Variants in SINHCAF observed in about 807,000 individuals in gnomAD.
The protein encoded by SINHCAF is SIN3-HDAC complex-associated factor.
A neutral mutation model predicts 25.8 loss-of-function variants in SINHCAF; 3 were observed. That is an observed-to-expected ratio of 0.12 (90% CI 0.05 to 0.30). SINHCAF has a LOEUF of 0.30. Among genes scored for constraint, SINHCAF ranks in the 10% least tolerant of loss-of-function variants. The pLI is 1.00. For synonymous variants in SINHCAF, 70 were observed against 85.5 expected (o/e 0.82, Z 1.00); for missense variants, 121 against 262.3 (o/e 0.46, Z 3.72).
At chr12:31,302,140 A>C (rs1390539084) in intron 1 of SINHCAF, among the ~76,000 whole-genome samples, 3 of 152,168 alleles carry the variant, frequency 2.0e-5, no homozygotes, top group African/African-American at 4.8e-5. Context: ...ACCCCATACA[A>C]TCTCATCCTT....
At chr12:31,322,989 G>A (rs1417421287) in intron 1 of SINHCAF, among the ~76,000 whole-genome samples, 3 of 152,122 alleles carry the variant, frequency 2.0e-5, no homozygotes, top group African/African-American at 7.2e-5. Context: ...TAACCAGAAG[G>A]TCAACCACAG....
chr12:31,294,213 T>C (rs570843165), intron 3 of SINHCAF, among the ~76,000 whole-genome samples: 1 of 152,258 alleles, frequency 6.6e-6, no homozygotes, highest in Non-Finnish European at 1.5e-5. Context: ...ATGACCCAGC[T>C]AGGTTAAGAA....
At chr12:31,284,264 T>C (rs144911932) in intron 5 of SINHCAF, among the ~76,000 whole-genome samples, 33 of 152,350 alleles carry the variant, frequency 2.2e-4, no homozygotes, top group African/African-American at 7.9e-4. Flanking sequence ...TGGTATCTCA[T>C]TGAAATTTTA....
intron 2 of SINHCAF, among the ~76,000 whole-genome samples, chr12:31,296,233 A>G (rs1186030532): frequency 6.6e-6 from 1 of 152,012 alleles, no homozygotes; most frequent in Non-Finnish European, 1.5e-5. Flanking sequence ...TGGTGGGATT[A>G]TGGCTCACTG....
Position 31,324,782 on chromosome 12 carries a change from C to T in SINHCAF, c.-21+1242G>A, listed in dbSNP as rs1186232644. ...CCCCGCGCCCCGAAGAGTCCGGAGC[C>T]TGGCCCCCCGACCCTCCCCTCGGGA... is the stretch of plus-strand genomic sequence containing the variant. On this transcript the variant is annotated intron_variant, in intron 1 of 5. Coordinates refer to ENST00000337682, the MANE Select transcript of SINHCAF (RefSeq NM_001135812.2). The surrounding 1 kb of genome is among the most constrained non-coding windows in gnomAD (Gnocchi z 5.5). The T allele has an allele frequency of 5.6e-6, 2 of 360,122 alleles. No individual in the cohort carries two copies. The highest frequency in any genetic ancestry group is 1.1e-5 in the Non-Finnish European group (2 of 180,162). The allele number at this position is 360,122 out of a possible 1,614,324, so 22.3% of individuals were successfully genotyped here.
chr12:31,324,700 G>A lies in SINHCAF; in HGVS notation c.-21+1324C>T. ...GCTGCCTACGTGCAGCATCAGGGAT[G>A]TCGGAGCGTTTCGCAGGGGCCGGAC... On this transcript the variant is annotated intron_variant, in intron 1 of 5. Transcript: ENST00000337682. The surrounding 1 kb of genome is among the most constrained non-coding windows in gnomAD (Gnocchi z 5.5). 5.9e-6 allele frequency: 2 copies of A among 338,624 alleles called. No homozygotes were observed. Among genetic ancestry groups the A allele is most frequent in the Non-Finnish European group, 1.2e-5 (2 of 170,510 alleles). The allele number at this position is 338,624 out of a possible 1,614,324, so 21.0% of individuals were successfully genotyped here.
chr12:31,323,873 G>A (rs1939820983), intron 1 of SINHCAF: 2 of 441,534 alleles, frequency 4.5e-6, no homozygotes, highest in African/African-American at 2.0e-5. Context: ...GGAGGTGCTC[G>A]CCGCCCTCAC....
chr12:31,285,612 A>G (rs1272307624), intron 5 of SINHCAF, among the ~76,000 whole-genome samples: 1 of 152,064 alleles, frequency 6.6e-6, no homozygotes, highest in Non-Finnish European at 1.5e-5. Flanking sequence ...TCTACTTACT[A>G]TGTAACCTTA....
intron 1 of SINHCAF, among the ~76,000 whole-genome samples, chr12:31,312,595 G>A (rs1939315475): frequency 6.6e-6 from 1 of 152,160 alleles, no homozygotes; most frequent in South Asian, 2.1e-4. Context: ...GCATTTCCCT[G>A]ATTCCAAATG....
rs183161378 is a variant in SINHCAF at position 31,280,869 on chromosome 12, T to C, written c.*1843A>G. ...CAGCCAAAATGTACAAAAAAAATCA[T>C]TTCAAATAACTCAGGAGGATGATAA... On this transcript the variant is annotated 3_prime_UTR_variant, in exon 6 of 6. Transcript: ENST00000337682. The C allele has an allele frequency of 6.6e-6, 1 of 152,394 alleles. No homozygotes were observed. Among genetic ancestry groups the C allele is most frequent in the Admixed American group, 6.5e-5 (1 of 15,290 alleles). The allele number at this position is 152,394 out of a possible 1,614,324, so 9.4% of individuals were successfully genotyped here.
chr12:31,281,636 T>G lies in SINHCAF; in HGVS notation c.*1076A>C, dbSNP rs924570353. The G allele has an allele frequency of 1.3e-5, 2 of 152,214 alleles. No individual in the cohort carries two copies. The highest frequency in any genetic ancestry group is 4.8e-5 in the African/African-American group (2 of 41,458). 9.4% of individuals were successfully genotyped at this position (152,214 alleles called of 1,614,324 possible). A position where few individuals can be genotyped will look rare whatever the true frequency, so the allele number is the denominator to read the frequency against. ...CTTTGTTTTGTGCCATCCTGAAGAC[T>G]TGCACATTTTATTTTTCAGATAGCT... On this transcript the variant is annotated 3_prime_UTR_variant, in exon 6 of 6. Coordinates refer to ENST00000337682, the MANE Select transcript of SINHCAF (RefSeq NM_001135812.2).
rs753619818 is a variant in SINHCAF at position 31,287,678 on chromosome 12, G to A, written c.462C>T (p.Asn154=). ...GSDTEMASGS[N]RTPVFSFLDL... is the part of the protein sequence containing the mutation. ...CTAAAAAGGAAAAAACTGGTGTTCT[G>A]TTAGAACCAGAAGCCATCTCTGTAT... The change falls in exon 5 of 6, where the codon AAC becomes AAT. Residue 154 remains asparagine, a synonymous_variant. Transcript: ENST00000337682. 1 of 1,606,084 alleles carries A rather than the reference G, an allele frequency of 6.2e-7. No homozygotes were observed. The highest frequency in any genetic ancestry group is 2.2e-5 in the East Asian group (1 of 44,826).
chr12:31,324,514 CAA>C lies in SINHCAF; in HGVS notation c.-21+1508_-21+1509del, dbSNP rs1939867489. 6.0e-6 allele frequency: 1 copy of C among 165,384 alleles called. No homozygotes were observed. The highest frequency in any genetic ancestry group is 1.3e-5 in the Non-Finnish European group (1 of 76,896). The allele number at this position is 165,384 out of a possible 1,614,324, so 10.2% of individuals were successfully genotyped here. A position where few individuals can be genotyped will look rare whatever the true frequency, so the allele number is the denominator to read the frequency against. On this transcript the variant is annotated intron_variant, in intron 1 of 5. Coordinates refer to ENST00000337682, the MANE Select transcript of SINHCAF (RefSeq NM_001135812.2). This position sits in a 1 kb window ranked among gnomAD's most constrained non-coding sequence, Gnocchi z 5.5. ...TGGCACCTCGCACAAGTAGCGCCGC[CAA>C]AGTTTCCCCACGAGGGGGCTGAGGG... is the stretch of plus-strand genomic sequence containing the variant.
intron 5 of SINHCAF, among the ~76,000 whole-genome samples, chr12:31,287,055 T>C (rs570840527): frequency 2.6e-5 from 4 of 152,316 alleles, no homozygotes; most frequent in African/African-American, 9.6e-5. Context: ...ATGCTAGGAT[T>C]ACAGGTGTGA....
intron 1 of SINHCAF, among the ~76,000 whole-genome samples, chr12:31,319,264 C>T (rs2137136367): frequency 6.6e-6 from 1 of 152,318 alleles, no homozygotes; most frequent in South Asian, 2.1e-4. Context: ...CACAGTGGCT[C>T]ACGCCTGTAA....
chr12:31,296,180 G>A (rs1565493752), intron 2 of SINHCAF, among the ~76,000 whole-genome samples: 1 of 151,854 alleles, frequency 6.6e-6, no homozygotes, highest in East Asian at 1.9e-4. Flanking sequence ...TGGGGGCGTG[G>A]GGGTGAACAG....
At chr12:31,311,286 G>A (rs774142124) in intron 1 of SINHCAF, among the ~76,000 whole-genome samples, 1 of 152,226 alleles carries the variant, frequency 6.6e-6, no homozygotes, top group Non-Finnish European at 1.5e-5. Context: ...AGATCTGTTA[G>A]GGGATCCAAC....
At chr12:31,306,311 TG>T (rs545708404) in intron 1 of SINHCAF, among the ~76,000 whole-genome samples, 46 of 152,326 alleles carry the variant, frequency 3.0e-4, no homozygotes, top group African/African-American at 9.4e-4. Context: ...TTTGGGTAGA[TG>T]GTACACTGTA....
chr12:31,324,038 G>A lies in SINHCAF; in HGVS notation c.-21+1986C>T, dbSNP rs1280664669. The stretch of plus-strand genomic sequence containing the variant: ...AGAATGCTCCCTGGTGGATTTGTTG[G>A]TAAATAAGACATCTCGCGTCGGGAG... On this transcript the variant is annotated intron_variant, in intron 1 of 5. Transcript: ENST00000337682. The surrounding 1 kb of genome is among the most constrained non-coding windows in gnomAD (Gnocchi z 5.5). The A allele has an allele frequency of 2.2e-6, 1 of 455,052 alleles. No homozygotes were observed. 28.2% of individuals were successfully genotyped at this position (455,052 alleles called of 1,614,324 possible).
Sources: allele counts gnomAD v4.1 joint callset (sites outside exome capture counted in the v4.1 genomes callset), GRCh38; gene constraint gnomAD v4.1.1; non-coding constraint Gnocchi (gnomAD v3.1); transcripts MANE v1.5; gene names NCBI Gene and HGNC (gene_info 2026-07-23, HGNC 2026-07-21).